OCA2: variants seen among roughly 807,000 people sequenced by gnomAD.
OCA2 encodes P protein.
Under a neutral mutation model 100.2 loss-of-function variants are expected in OCA2, and 77 were observed. That is an observed-to-expected ratio of 0.77 (90% confidence interval 0.64 to 0.93). The LOEUF (loss-of-function observed/expected upper bound fraction) is 0.93, where lower values mean the gene tolerates loss of function less well. OCA2 is among the 40% of genes least tolerant of loss of function. OCA2 has a pLI of 0.00. For missense variants in OCA2, 1,062 were observed against 1,089.1 expected, an observed-to-expected ratio of 0.98 and a Z score of 0.35; for synonymous variants, 432 against 439.2, an observed-to-expected ratio of 0.98 and a Z score of 0.21.
intron 23 of OCA2, among the ~76,000 whole-genome samples, chr15:27,824,617 T>TATATATATATATATA (rs1020369750): frequency 7.7e-6 from 1 of 130,130 alleles, no homozygotes; most frequent in African/African-American, 3.0e-5. Context: ...TATATATATA[T>TATATATATATATATA]ATATAATATA....
intron 19 of OCA2, among the ~76,000 whole-genome samples, chr15:27,889,479 T>C (rs1567065904): frequency 6.6e-6 from 1 of 152,040 alleles, no homozygotes; most frequent in African/African-American, 2.4e-5. Flanking sequence ...TGTCTAAGGG[T>C]ATGTCAGAGG....
chr15:28,090,269 C>G (rs530801707), intron 1 of OCA2, among the ~76,000 whole-genome samples: 14 of 152,306 alleles, frequency 9.2e-5, no homozygotes, highest in Middle Eastern at 3.4e-3. Context: ...GAGACTTAAA[C>G]ATTTATCTCT....
In OCA2 at chr15:27,842,335, G is replaced by A. The variant is rs79270018; in HGVS notation, c.2432+2624C>T. The stretch of plus-strand genomic sequence containing the variant: ...GCTATTTCTAGGTAGCAAAATTATA[G>A]GTTACTTTTGTATTTTATTCGTTTA... On this transcript the variant is annotated intron_variant, in intron 23 of 23. Transcript: ENST00000354638. Among the ~76,000 whole-genome samples, 271 of 152,208 alleles carry A rather than the reference G, an allele frequency of 1.8e-3. 6 individuals carry two copies. The East Asian group carries it at 0.049, about 28-fold the overall frequency.
At chr15:27,936,582 C>T (rs372224202) in intron 18 of OCA2, among the ~76,000 whole-genome samples, 4 of 152,188 alleles carry the variant, frequency 2.6e-5, no homozygotes, top group African/African-American at 9.7e-5. Flanking sequence ...CCAGGCACTG[C>T]TCTTCAGGCC....
intron 23 of OCA2, among the ~76,000 whole-genome samples, chr15:27,810,443 C>G (rs1438300412): frequency 6.6e-6 from 1 of 152,058 alleles, no homozygotes; most frequent in Non-Finnish European, 1.5e-5. Flanking sequence ...GGACATTGGC[C>G]TGGGCAAAGA....
At chr15:28,082,656 T>C (rs2044684024) in intron 1 of OCA2, among the ~76,000 whole-genome samples, 1 of 152,232 alleles carries the variant, frequency 6.6e-6, no homozygotes, top group South Asian at 2.1e-4. Flanking sequence ...GTGATGTTTT[T>C]ATTGAAATAA....
In OCA2 at chr15:27,934,796, C is replaced by T. The variant is rs74319853; in HGVS notation, c.1952-8542G>A. Among the ~76,000 whole-genome samples, 336 of 152,318 alleles carry T rather than the reference C, an allele frequency of 2.2e-3. 1 individual carries two copies. Among genetic ancestry groups the T allele is most frequent in the African/African-American group, 7.6e-3 (316 of 41,560 alleles). On this transcript the variant is annotated intron_variant, in intron 18 of 23. Coordinates refer to ENST00000354638, the MANE Select transcript of OCA2 (RefSeq NM_000275.3). ...CAACTTCAGAAAGTTTCCATAGTCA[C>T]GGAGATTTGTCTTGTTAGAAAAATT...
chr15:27,726,796 G>A, the OCA2 span, among the ~76,000 whole-genome samples: 4 of 152,204 alleles, frequency 2.6e-5, no homozygotes, highest in African/African-American at 9.7e-5. Context: ...CCAGCACTTG[G>A]CCGTCTGCTT....
chr15:27,987,597 C>T (rs1364238253), intron 11 of OCA2, among the ~76,000 whole-genome samples: 9 of 150,816 alleles, frequency 6.0e-5, no homozygotes, highest in South Asian at 2.1e-4. Flanking sequence ...GGTGGGGTGG[C>T]GGGCGCCTGT....
At chr15:27,943,929 T>C (rs1449335082) in intron 18 of OCA2, among the ~76,000 whole-genome samples, 1 of 152,156 alleles carries the variant, frequency 6.6e-6, no homozygotes, top group African/African-American at 2.4e-5. Flanking sequence ...CTAACATGTA[T>C]AAAATCAAGC....
At chr15:27,917,300 G>A (rs571767985) in intron 19 of OCA2, among the ~76,000 whole-genome samples, 42 of 152,232 alleles carry the variant, frequency 2.8e-4, no homozygotes, top group South Asian at 6.2e-4. Flanking sequence ...CACAAGCAGC[G>A]TGATTAATAT....
At chr15:27,860,228 C>A (rs984446809) in intron 21 of OCA2, among the ~76,000 whole-genome samples, 7 of 152,148 alleles carry the variant, frequency 4.6e-5, no homozygotes, top group African/African-American at 1.7e-4. Context: ...GGTGAAGGAG[C>A]AAGACCAAGC....
chr15:27,752,815 C>CCA (rs2030117666), downstream of OCA2, among the ~76,000 whole-genome samples: 1 of 83,946 alleles, frequency 1.2e-5, no homozygotes, highest in African/African-American at 3.7e-5. Flanking sequence ...CCCCCCCCCC[C>CCA]CAGAGGCCCA....
chr15:27,825,295 G>A (rs4580105), intron 23 of OCA2, among the ~76,000 whole-genome samples: 76,767 of 151,942 alleles, frequency 0.51, 20,002 homozygotes, highest in South Asian at 0.76. Flanking sequence ...CCAAGCCCAC[G>A]CGTCAGGAAG....
At chr15:27,749,138 A>T in the OCA2 span, among the ~76,000 whole-genome samples, 2 of 152,218 alleles carry the variant, frequency 1.3e-5, no homozygotes. Context: ...AAAACAATAA[A>T]CTCAAAGAAA....
At chr15:27,868,303 A>G (rs1047863640) in intron 21 of OCA2, among the ~76,000 whole-genome samples, 4 of 152,246 alleles carry the variant, frequency 2.6e-5, no homozygotes, top group African/African-American at 9.6e-5. Flanking sequence ...AAGACATGGG[A>G]AAAACTTGCG....
At chr15:28,024,807 G>A (rs768503175) in intron 5 of OCA2, 38 bp downstream of exon 5, 20 of 1,609,212 alleles carry the variant, frequency 1.2e-5, no homozygotes, top group South Asian at 5.5e-5. Flanking sequence ...GGGCTTCCAC[G>A]GACCCAACAG....
At chr15:28,004,488 GAC>G (rs371729775) in intron 9 of OCA2, among the ~76,000 whole-genome samples, 1 of 152,008 alleles carries the variant, frequency 6.6e-6, no homozygotes, top group South Asian at 2.1e-4. Context: ...CCCACACACA[GAC>G]ACACACACAG....
chr15:27,801,010 A>G (rs1352609240), intron 23 of OCA2, among the ~76,000 whole-genome samples: 1 of 152,138 alleles, frequency 6.6e-6, no homozygotes, highest in Admixed American at 6.5e-5. Context: ...ACCTTCCCAC[A>G]AGGAAAACCC....
Sources: allele counts gnomAD v4.1 joint callset (sites outside exome capture counted in the v4.1 genomes callset), GRCh38; gene constraint gnomAD v4.1.1; transcripts MANE v1.5; gene names NCBI Gene and HGNC (gene_info 2026-07-23, HGNC 2026-07-21).